MTBP: variants seen among roughly 807,000 people sequenced by gnomAD.
MTBP encodes MDM2 binding protein.
Under a neutral mutation model 117.0 loss-of-function variants are expected in MTBP, and 101 were observed. The ratio of observed to expected loss-of-function variants is 0.86; its 90% confidence interval spans 0.73 to 1.02. MTBP has a LOEUF of 1.02. Among genes scored for constraint, MTBP ranks in the 50% least tolerant of loss-of-function variants. The pLI is 0.00. For missense variants in MTBP, 970 were observed against 1,030.9 expected (o/e 0.94, Z 0.81); for synonymous variants, 350 against 351.5 (o/e 1.00, Z 0.05).
intron 13 of MTBP, among the ~76,000 whole-genome samples, chr8:120,496,431 T>G (rs995035301): frequency 5.3e-5 from 8 of 152,206 alleles, no homozygotes; most frequent in Non-Finnish European, 8.8e-5. Flanking sequence ...GTAATATCTG[T>G]CAAGCTTCAC....
At chr8:120,519,283 T>C (rs1814974756) in intron 20 of MTBP, among the ~76,000 whole-genome samples, 1 of 151,810 alleles carries the variant, frequency 6.6e-6, no homozygotes, top group Admixed American at 6.6e-5. Context: ...TACTACACCA[T>C]TTTATATAAG....
intron 11 of MTBP, 97 bp from the exon 12 acceptor site, chr8:120,488,062 C>T (rs956410467): frequency 9.6e-7 from 1 of 1,040,506 alleles, no homozygotes; most frequent in Admixed American, 3.3e-5. Flanking sequence ...TTTAAAATAA[C>T]AAAAAATTTT....
At chr8:120,520,929 T>A (rs1814999545) in intron 20 of MTBP, among the ~76,000 whole-genome samples, 1 of 152,098 alleles carries the variant, frequency 6.6e-6, no homozygotes, top group African/African-American at 2.4e-5. Context: ...AAGAATTTAT[T>A]TTACCCTTTT....
At chr8:120,452,188 TTTTA>T (rs1484916760) in intron 4 of MTBP, 18 of 152,356 alleles carry the variant, frequency 1.2e-4, no homozygotes, top group African/African-American at 3.8e-4. Flanking sequence ...AGTTAATACC[TTTTA>T]TTTTAGTCTT....
At chr8:120,481,529 GTT>G (rs979164830) in intron 11 of MTBP, among the ~76,000 whole-genome samples, 6 of 152,122 alleles carry the variant, frequency 3.9e-5, no homozygotes. Flanking sequence ...ATTGTGCTAA[GTT>G]TATAAATAAA....
In MTBP at chr8:120,504,060, T is replaced by C. The variant is rs915446958; in HGVS notation, c.1727+1451T>C. Among the ~76,000 whole-genome samples the C allele has an allele frequency of 3.9e-5, 6 of 152,226 alleles. No homozygotes were observed. In the East Asian group the frequency reaches 5.8e-4, roughly 15 times the overall value. Reference sequence around the variant, plus strand: ...GTGGGGATATCTGGAACTCACTCAATTTGGAGTTATCATCAGTAGGGATTT... The same window carrying C: ...GTGGGGATATCTGGAACTCACTCAACTTGGAGTTATCATCAGTAGGGATTT... On this transcript the variant is annotated intron_variant, in intron 15 of 21. Coordinates refer to ENST00000305949, the MANE Select transcript of MTBP (RefSeq NM_022045.5).
chr8:120,457,068 C>T lies in MTBP; in HGVS notation c.747+398C>T, dbSNP rs572939903. On this transcript the variant is annotated intron_variant, in intron 7 of 21. Transcript: ENST00000305949. ...TGCATGTGTAAACTACTAGAAAAAA[C>T]TACTTAGAGCATATTGTCTTCCCAT... 1.4e-3 allele frequency among the ~76,000 whole-genome samples: 213 copies of T among 152,198 alleles called. 3 individuals carry two copies. The highest frequency in any genetic ancestry group is 4.8e-3 in the African/African-American group (201 of 41,562).
chr8:120,517,755 A>C (rs746478581), intron 18 of MTBP, 96 bp from the exon 19 acceptor site: 182 of 1,266,268 alleles, frequency 1.4e-4, no homozygotes, highest in Non-Finnish European at 1.9e-4. Flanking sequence ...ATGTTGATTC[A>C]CTTAATGGAT....
intron 13 of MTBP, among the ~76,000 whole-genome samples, chr8:120,492,641 T>TA (rs1814370593): frequency 6.6e-6 from 1 of 152,180 alleles, no homozygotes. Flanking sequence ...ATTTCTCTAA[T>TA]ACTAAATTAG....
At chr8:120,520,052 C>T (rs1271713980) in intron 20 of MTBP, among the ~76,000 whole-genome samples, 2 of 152,084 alleles carry the variant, frequency 1.3e-5, no homozygotes, top group East Asian at 1.9e-4. Flanking sequence ...ACAGAGTTTC[C>T]AGTCAGATTT....
At chr8:120,473,663 T>C (rs959393345) in intron 11 of MTBP, 4 of 152,142 alleles carry the variant, frequency 2.6e-5, no homozygotes, top group Non-Finnish European at 5.9e-5. Context: ...TGTAACTTAC[T>C]GCACCATACT....
chr8:120,470,219 C>A (rs1813790106), intron 10 of MTBP, among the ~76,000 whole-genome samples: 1 of 152,062 alleles, frequency 6.6e-6, no homozygotes, highest in African/African-American at 2.4e-5. Flanking sequence ...TATCCCCAGC[C>A]CTGGCAATAC....
At chr8:120,488,427 A>T (rs974141717) in intron 12 of MTBP, 95 bp downstream of exon 12, 26 of 927,840 alleles carry the variant, frequency 2.8e-5, no homozygotes, top group Non-Finnish European at 3.8e-5. Flanking sequence ...TAAACATTTA[A>T]TGAATTTATT....
At chr8:120,451,344 A>G (rs1380325266) in intron 4 of MTBP, 22 bp downstream of exon 4, 2 of 1,571,352 alleles carry the variant, frequency 1.3e-6, no homozygotes, top group African/African-American at 1.4e-5. Context: ...TGGTTTTTGT[A>G]TTATCATTAA....
intron 11 of MTBP, among the ~76,000 whole-genome samples, chr8:120,481,010 A>G (rs1478566421): frequency 1.3e-5 from 2 of 152,220 alleles, no homozygotes; most frequent in African/African-American, 4.8e-5. Flanking sequence ...CCCAGTTAAT[A>G]AGTGAGTGAA....
chr8:120,476,783 C>T (rs1460187517), intron 11 of MTBP, among the ~76,000 whole-genome samples: 1 of 152,162 alleles, frequency 6.6e-6, no homozygotes, highest in Admixed American at 6.5e-5. Context: ...CTATTTCATG[C>T]TCATAGATAG....
intron 10 of MTBP, among the ~76,000 whole-genome samples, chr8:120,467,511 C>T (rs374008898): frequency 2.6e-5 from 4 of 152,030 alleles, no homozygotes; most frequent in South Asian, 2.1e-4. Flanking sequence ...GAGGCTGAGG[C>T]GGGAGAGTCA....
Position 120,451,198 on chromosome 8 carries a change from C to T in MTBP, c.301C>T (p.His101Tyr), listed in dbSNP as rs138261253. Residue 101 changes from histidine (H) to tyrosine (Y), a missense_variant, in exon 4 of 22, where the codon CAT becomes TAT. Physicochemically the swap from His to Tyr is moderately conservative, Grantham distance 83 (BLOSUM62 2). Transcript: ENST00000305949. ...QFCSSDWQEIHFDTEKDKIED... is the reference protein window; with the variant it reads ...QFCSSDWQEIYFDTEKDKIED... ...TTGTAGTTCTGATTGGCAAGAGATA[C>T]ATTTTGATACAGAAAAAGATAAAAT... The T allele has an allele frequency of 3.7e-6, 6 of 1,607,978 alleles. No individual in the cohort carries two copies. The highest frequency in any genetic ancestry group is 5.1e-6 in the Non-Finnish European group (6 of 1,175,648).
At chr8:120,453,212 AGGCTGAGGCAG>A (rs1813395313) in intron 4 of MTBP, among the ~76,000 whole-genome samples, 1 of 152,098 alleles carries the variant, frequency 6.6e-6, no homozygotes, top group African/African-American at 2.4e-5. Context: ...GCACTTTGGG[AGGCTGAGGCAG>A]ACGGATAACC....
Sources: gnomAD v4.1 joint callset for allele counts (sites outside exome capture counted in the v4.1 genomes callset) on GRCh38, gnomAD v4.1.1 for gene constraint, MANE v1.5 for transcripts, NCBI Gene and HGNC (gene_info 2026-07-23, HGNC 2026-07-21) for gene names.